Variants in KLF12 observed in about 807,000 individuals in gnomAD.
The protein encoded by KLF12 is KLF transcription factor 12.
In KLF12, 9 loss-of-function variants were observed where a neutral mutation model predicts 37.8. The observed-to-expected ratio is 0.24, with a 90% CI of 0.14 to 0.42. KLF12 has a LOEUF of 0.42. KLF12 is among the 10% of genes least tolerant of loss of function. KLF12 has a pLI of 1.00. For synonymous variants in KLF12, 208 were observed against 202.1 expected (o/e 1.03, Z -0.25); for missense variants, 411 against 516.0 (o/e 0.80, Z 1.97).
At chr13:74,183,064 C>A in the KLF12 span, among the ~76,000 whole-genome samples, 2 of 152,196 alleles carry the variant, frequency 1.3e-5, no homozygotes, top group Non-Finnish European at 2.9e-5. Flanking sequence ...GTACAATGGA[C>A]TTTTAACTTC....
intron 5 of KLF12, among the ~76,000 whole-genome samples, chr13:73,803,350 C>T (rs1359704286): frequency 6.6e-6 from 1 of 152,188 alleles, no homozygotes; most frequent in Non-Finnish European, 1.5e-5. Context: ...GTTATTCCTT[C>T]TGCCTGGAAT....
the KLF12 span, among the ~76,000 whole-genome samples, chr13:74,147,070 G>C: frequency 3.3e-5 from 5 of 152,334 alleles, no homozygotes; most frequent in East Asian, 9.6e-4. Flanking sequence ...TCATTAGACT[G>C]AATTGCCATT....
At chr13:74,005,333 T>A (rs1892383047) in intron 1 of KLF12, among the ~76,000 whole-genome samples, 2 of 152,304 alleles carry the variant, frequency 1.3e-5, no homozygotes, top group Middle Eastern at 3.4e-3. Flanking sequence ...CTATAAAATC[T>A]CTATAATCAT....
intron 1 of KLF12, among the ~76,000 whole-genome samples, chr13:74,054,722 A>G (rs919654489): frequency 1.5e-4 from 23 of 152,320 alleles, no homozygotes; most frequent in African/African-American, 5.3e-4. Context: ...TTTGCTAACT[A>G]CATTAACACC....
chr13:73,937,773 T>C (rs532894060), intron 3 of KLF12, among the ~76,000 whole-genome samples: 1 of 152,366 alleles, frequency 6.6e-6, no homozygotes, highest in East Asian at 1.9e-4. Flanking sequence ...TCACAGCTCA[T>C]TGATTTTCAA....
chr13:74,147,165 G>C, the KLF12 span, among the ~76,000 whole-genome samples: 5 of 152,184 alleles, frequency 3.3e-5, no homozygotes, highest in East Asian at 3.8e-4. Flanking sequence ...TCTTTATCTA[G>C]AGACTCTGAA....
rs772370790 is a variant in KLF12 at position 73,845,993 on chromosome 13, C to A, written c.504G>T (p.Pro168=). Residue 168 remains proline (P), a synonymous_variant, in exon 4 of 8, where the codon CCG becomes CCT. Coordinates refer to ENST00000377669, the MANE Select transcript of KLF12 (RefSeq NM_007249.5). ...ACTGTAAATTCATGGGACTTGAAGG[C>A]GGTACGGGATGGATAATGTGCAAAA... The A allele has an allele frequency of 3.7e-6, 6 of 1,613,928 alleles. No homozygotes were observed. The Admixed American group carries it at 1.0e-4, about 27-fold the overall frequency.
At chr13:73,968,261 T>C (rs1891228342) in intron 2 of KLF12, among the ~76,000 whole-genome samples, 1 of 152,226 alleles carries the variant, frequency 6.6e-6, no homozygotes. Context: ...GCATAGGAAG[T>C]AACATAAAAT....
chr13:74,235,890 G>T, the KLF12 span, among the ~76,000 whole-genome samples: 3 of 150,432 alleles, frequency 2.0e-5, no homozygotes, highest in Non-Finnish European at 3.0e-5. Flanking sequence ...TTCATTCTCA[G>T]GTACCGAATT....
chr13:73,761,676 G>A (rs952118123), intron 6 of KLF12, among the ~76,000 whole-genome samples: 1 of 152,122 alleles, frequency 6.6e-6, no homozygotes, highest in African/African-American at 2.4e-5. Context: ...GCCCATGTGT[G>A]TATGTAAATA....
At chr13:73,817,318 C>CAAAAAAAAAAAAAAA (rs749318816) in intron 4 of KLF12, among the ~76,000 whole-genome samples, 2 of 52,216 alleles carry the variant, frequency 3.8e-5, no homozygotes, top group African/African-American at 1.4e-4. Context: ...GATCCTGTTT[C>CAAAAAAAAAAAAAAA]AAAAAAAAAA....
At chr13:74,241,443 A>G in the KLF12 span, among the ~76,000 whole-genome samples, 4 of 152,318 alleles carry the variant, frequency 2.6e-5, no homozygotes, top group African/African-American at 9.6e-5. Context: ...AGAGGCAGGC[A>G]GGCCTCCTTG....
chr13:73,910,432 C>A (rs1349175043), intron 3 of KLF12, among the ~76,000 whole-genome samples: 1 of 152,162 alleles, frequency 6.6e-6, no homozygotes, highest in Admixed American at 6.5e-5. Flanking sequence ...TCTTAAACTA[C>A]AGATTGTTCT....
At chr13:74,157,451 A>T in the KLF12 span, among the ~76,000 whole-genome samples, 84 of 152,344 alleles carry the variant, frequency 5.5e-4, no homozygotes, top group Non-Finnish European at 1.0e-3. Flanking sequence ...TTTAAAAAGC[A>T]TGTTACCCTA....
the KLF12 span, among the ~76,000 whole-genome samples, chr13:74,304,146 C>G: frequency 6.6e-6 from 1 of 152,176 alleles, no homozygotes; most frequent in Non-Finnish European, 1.5e-5. Context: ...CTGGCTGCAG[C>G]TCTGTGATAA....
chr13:74,254,598 T>C, the KLF12 span, among the ~76,000 whole-genome samples: 1 of 152,208 alleles, frequency 6.6e-6, no homozygotes, highest in Non-Finnish European at 1.5e-5. Flanking sequence ...ATCACAACCA[T>C]TCTGTCCATT....
intron 1 of KLF12, among the ~76,000 whole-genome samples, chr13:74,055,734 GA>G (rs1425396940): frequency 3.9e-5 from 6 of 152,070 alleles, no homozygotes; most frequent in African/African-American, 7.2e-5. Flanking sequence ...GTGGCAGAGG[GA>G]AAAAAACAAC....
rs138051031 is a variant in KLF12, at chr13:73,969,911, C to T, written c.33+25079G>A. The stretch of plus-strand genomic sequence containing the variant: ...AGATATATACAAACAAGCCTCTTGA[C>T]CTACCTATCTTTTGTTCTTAACATA... On this transcript the variant is annotated intron_variant, in intron 2 of 7. Coordinates refer to ENST00000377669, the MANE Select transcript of KLF12 (RefSeq NM_007249.5). Among the ~76,000 whole-genome samples the T allele has an allele frequency of 5.5e-3, 830 of 152,284 alleles. 7 individuals are homozygous for T. Among genetic ancestry groups the T allele is most frequent in the East Asian group, 0.032 (166 of 5,188 alleles).
chr13:74,230,020 T>C, the KLF12 span, among the ~76,000 whole-genome samples: 2 of 152,202 alleles, frequency 1.3e-5, no homozygotes, highest in Non-Finnish European at 2.9e-5. Flanking sequence ...AGCTGTACTT[T>C]TCTCATTTTT....
Sources: gnomAD v4.1 joint callset for allele counts (sites outside exome capture counted in the v4.1 genomes callset) on GRCh38, gnomAD v4.1.1 for gene constraint, MANE v1.5 for transcripts, NCBI Gene and HGNC (gene_info 2026-07-23, HGNC 2026-07-21) for gene names.